TTN: variants seen among roughly 807,000 people sequenced by gnomAD.
The protein encoded by TTN is titin.
Under a neutral mutation model 3,223.0 loss-of-function variants are expected in TTN, and 1,525 were observed. The ratio of observed to expected loss-of-function variants is 0.47; its 90% CI spans 0.45 to 0.49. TTN has a LOEUF of 0.49. Among genes scored for constraint, TTN ranks in the 20% least tolerant of loss-of-function variants. TTN has a pLI of 0.00. For synonymous variants in TTN, 14,094 were observed against 15,161.0 expected (o/e 0.93, Z 5.17); for missense variants, 40,786 against 43,424.0 (o/e 0.94, Z 5.40).
intron 332 of TTN, 28 bp downstream of exon 332, chr2:178,554,425 T>G: frequency 6.2e-7 from 1 of 1,601,250 alleles, no homozygotes; most frequent in Middle Eastern, 1.7e-4. Context: ...TTTTCACGTT[T>G]CAGTTTTCTA....
At chr2:178,705,449 G>T in intron 102 of TTN, 92 bp from the exon 103 acceptor site, 2 of 948,962 alleles carry the variant, frequency 2.1e-6, no homozygotes, top group Non-Finnish European at 2.9e-6. Flanking sequence ...ACTTCATTAA[G>T]GTTTTCTATG....
chr2:178,709,566 C>A lies in TTN; in HGVS notation c.28753G>T (p.Glu9585Ter). 1 of 1,601,746 alleles carries A rather than the reference C, an allele frequency of 6.2e-7. No individual in the cohort carries two copies. The highest frequency in any genetic ancestry group is 8.5e-7 in the Non-Finnish European group (1 of 1,170,018). Residue 9585 changes from glutamate to a stop codon, truncating the protein, a stop_gained and splice_region_variant, in exon 99 of 363, where the codon GAA becomes TAA. Transcript: ENST00000589042. LOFTEE classifies it high-confidence loss of function. ...GGTTGGGGCTGTGAGGATAACTCAC[C>A]TTTGATGACGATTGAAGACGTGCAC... Reference protein sequence around the residue: ...ALCTSSIVIKEPKKPPVFDQH... With the variant: ...ALCTSSIVIK
In TTN at chr2:178,569,320, T is replaced by C. The variant is rs1158750353; in HGVS notation, c.76812A>G (p.Pro25604=). ...TTTCTGTGACTTTCAGGTTAACAGG[T>C]GGACTTGGCGTGTCCAGAACTCTCA... ...VTVRVLDTPS[P]PVNLKVTEIT... is the part of the protein sequence containing the mutation. Residue 25604 remains proline (P), a synonymous_variant, in exon 326 of 363, where the codon CCA becomes CCG. Transcript: ENST00000589042. 6.2e-7 allele frequency: 1 copy of C among 1,612,914 alleles called. No homozygotes were observed. Among genetic ancestry groups the C allele is most frequent in the Non-Finnish European group, 8.5e-7 (1 of 1,179,336 alleles).
chr2:178,641,367 T>C, intron 219 of TTN, 52 bp from the exon 220 acceptor site: 2 of 1,040,938 alleles, frequency 1.9e-6, no homozygotes, highest in Non-Finnish European at 2.8e-6. Context: ...AATGAAGATG[T>C]TGAATAAGCT....
intron 136 of TTN, 44 bp downstream of exon 136, chr2:178,681,617 G>A (rs2069414882): frequency 2.6e-6 from 4 of 1,566,524 alleles, no homozygotes; most frequent in Non-Finnish European, 3.5e-6. Flanking sequence ...AGACATGGAG[G>A]AAACAAAGAT....
Position 178,573,423 on chromosome 2 carries a change from C to T in TTN, c.72709G>A (p.Asp24237Asn). 1 of 1,519,560 alleles carries T rather than the reference C, an allele frequency of 6.6e-7. No homozygotes were observed. Among genetic ancestry groups the T allele is most frequent in the Non-Finnish European group, 8.8e-7 (1 of 1,136,762 alleles). 94.1% of individuals were successfully genotyped at this position (1,519,560 alleles called of 1,614,324 possible). Reference protein sequence around the residue: ...KNPEVTTITKDSMVVCWGHPD... With the variant: ...KNPEVTTITKNSMVVCWGHPD... ...TGTCCCCAGCAGACAACCATCGAAT[C>T]TTTAGTAATAGTTGTCACTTCAGGG... is the stretch of plus-strand genomic sequence containing the variant. The change falls in exon 326 of 363, where the codon GAT (aspartate) becomes AAT (asparagine). Residue 24237 changes from aspartate to asparagine, a missense_variant. Asp to Asn is a conservative substitution (Grantham distance 23). Coordinates refer to ENST00000589042, the MANE Select transcript of TTN (RefSeq NM_001267550.2).
chr2:178,622,810 A>C, intron 242 of TTN, 43 bp from the exon 243 acceptor site: 1 of 1,448,066 alleles, frequency 6.9e-7, no homozygotes, highest in South Asian at 1.2e-5. Context: ...GGTTTCTGGA[A>C]ATTTACTCTG....
At position 178,561,242 on chromosome 2, in the gene TTN, C is replaced by T. The variant is rs1200686560; in HGVS notation, c.84890G>A (p.Gly28297Asp). The T allele has an allele frequency of 6.2e-7, 1 of 1,613,700 alleles. No individual in the cohort carries two copies. The highest frequency in any genetic ancestry group is 1.7e-5 in the Admixed American group (1 of 60,012). The stretch of plus-strand genomic sequence containing the variant: ...AGTATAATTGCACTTCAGCCACCGG[C>T]CATCTGGTAGTTCTCTGCGTTCAAC... The part of the protein sequence containing the change: ...YIVERRELPD[G>D]RWLKCNYTNI... The change falls in exon 326 of 363, where the codon GGC (glycine) becomes GAC (aspartate). Residue 28297 changes from glycine (G) to aspartate (D), a missense_variant. Physicochemically the swap from Gly to Asp is moderately conservative, Grantham distance 94 (BLOSUM62 -1). Coordinates refer to ENST00000589042, the MANE Select transcript of TTN (RefSeq NM_001267550.2).
At position 178,548,700 on chromosome 2, in the gene TTN, C is replaced by A; in HGVS notation, c.92926G>T (p.Asp30976Tyr). ...LSLRADIHTT[D>Y]SFSTLTVENC... ...TCCACAGTGAGGGTGCTGAAGGAAT[C>A]TGTTGTATGGATATCAGCCCGAAGG... The change falls in exon 339 of 363, where the codon GAT becomes TAT. Residue 30976 changes from aspartate (D) to tyrosine (Y), a missense_variant. Physicochemically the swap from Asp to Tyr is radical, Grantham distance 160. Coordinates refer to ENST00000589042, the MANE Select transcript of TTN (RefSeq NM_001267550.2). This position sits in a 1 kb window ranked among gnomAD's most constrained non-coding sequence, Gnocchi z 4.3. 1 of 1,613,872 alleles carries A rather than the reference C, an allele frequency of 6.2e-7. No homozygotes were observed.
chr2:178,556,738 C>A (rs1701664620), intron 330 of TTN, 110 bp downstream of exon 330: 1 of 1,306,978 alleles, frequency 7.7e-7, no homozygotes, highest in Non-Finnish European at 1.0e-6. Context: ...TTCCAAAAAC[C>A]CCATTAAGGC....
In TTN at chr2:178,581,580, A is replaced by G; in HGVS notation, c.66688T>C (p.Phe22230Leu). The G allele has an allele frequency of 1.2e-6, 2 of 1,612,670 alleles. No individual in the cohort carries two copies. The highest frequency in any genetic ancestry group is 1.7e-6 in the Non-Finnish European group (2 of 1,179,148). ...TGLMEDTQYQ[F>L]RVYAVNKIGY... is the part of the protein sequence containing the mutation. ...ATCTTATTAACGGCATACACACGGA[A>G]TTGATATTGTGTGTCTTCCATCAGG... The change falls in exon 316 of 363, where the codon TTC (phenylalanine) becomes CTC (leucine). Residue 22230 changes from phenylalanine to leucine, a missense_variant. Physicochemically the swap from Phe to Leu is conservative, Grantham distance 22. Transcript: ENST00000589042.
At chr2:178,760,848 G>GGT (rs3045724) in intron 43 of TTN, 27,115 of 145,358 alleles carry the variant, frequency 0.19, 2,854 homozygotes, top group East Asian at 0.4. Context: ...TGTGTGAAGG[G>GGT]GTGTGTGTGT....
intron 6 of TTN, among the ~76,000 whole-genome samples, chr2:178,797,776 T>C (rs2093848194): frequency 6.6e-6 from 1 of 152,166 alleles, no homozygotes; most frequent in Admixed American, 6.5e-5. Flanking sequence ...AATGACTTTT[T>C]GCTTTTGCCA....
chr2:178,779,520 T>A, intron 22 of TTN, 58 bp from the exon 23 acceptor site: 2 of 1,108,412 alleles, frequency 1.8e-6, no homozygotes, highest in Non-Finnish European at 2.6e-6. Context: ...ATAAATTATT[T>A]AAGGAGATGT....
chr2:178,642,427 T>A (rs2061362608), intron 218 of TTN, 110 bp from the exon 219 acceptor site: 1 of 861,626 alleles, frequency 1.2e-6, no homozygotes, highest in Non-Finnish European at 1.8e-6. Context: ...TAAGTAACAA[T>A]TTTCGCTGCA....
At chr2:178,805,069 G>A (rs950690149) in intron 1 of TTN, among the ~76,000 whole-genome samples, 15 of 152,114 alleles carry the variant, frequency 9.9e-5, no homozygotes, top group Admixed American at 2.0e-4. Flanking sequence ...TGGGCCTGGC[G>A]TGGTGGCTCA....
chr2:178,752,280 A>G (rs771939333), intron 47 of TTN, among the ~76,000 whole-genome samples: 9 of 152,012 alleles, frequency 5.9e-5, no homozygotes, highest in Non-Finnish European at 7.4e-5. Flanking sequence ...TTCTTCTTGA[A>G]CAAGCAAAAA....
At position 178,552,015 on chromosome 2, in the gene TTN, G is replaced by T; in HGVS notation, c.90885C>A (p.Tyr30295Ter). ...KVPNLVKDAEYQFRVRAENRY... is the reference protein window; with the variant it reads ...KVPNLVKDAE ...TGTTTTCTGCTCTCACTCTAAACTGGTACTCAGCATCTTTGACTAGATTAG... is the reference window on the plus strand; with the variant it reads ...TGTTTTCTGCTCTCACTCTAAACTGTTACTCAGCATCTTTGACTAGATTAG... Residue 30295 changes from tyrosine to a stop codon, truncating the protein, a stop_gained, in exon 335 of 363, where the codon TAC (tyrosine) becomes TAA (stop). Coordinates refer to ENST00000589042, the MANE Select transcript of TTN (RefSeq NM_001267550.2). LOFTEE classifies it high-confidence loss of function. 1 of 1,613,040 alleles carries T rather than the reference G, an allele frequency of 6.2e-7. No individual in the cohort carries two copies. Among genetic ancestry groups the T allele is most frequent in the South Asian group, 1.1e-5 (1 of 91,002 alleles).
At chr2:178,679,470 T>C in intron 141 of TTN, 54 bp from the exon 142 acceptor site, 1 of 1,596,444 alleles carries the variant, frequency 6.3e-7, no homozygotes, top group East Asian at 2.2e-5. Flanking sequence ...AACACATCCA[T>C]ATAAAACACA....
Sources: allele counts gnomAD v4.1 joint callset (sites outside exome capture counted in the v4.1 genomes callset), GRCh38; gene constraint gnomAD v4.1.1; non-coding constraint Gnocchi (gnomAD v3.1); transcripts MANE v1.5; gene names NCBI Gene and HGNC (gene_info 2026-07-23, HGNC 2026-07-21).